Variants in MIGA1 observed in about 807,000 individuals in gnomAD.
The protein encoded by MIGA1 is family with sequence similarity 73, member A.
A neutral mutation model predicts 82.0 loss-of-function variants in MIGA1; 58 were observed. The observed-to-expected ratio is 0.71, with a 90% CI of 0.57 to 0.88. The LOEUF (loss-of-function observed/expected upper bound fraction) is 0.88. MIGA1 is among the 40% of genes least tolerant of loss of function. MIGA1 has a pLI of 0.00. For synonymous variants in MIGA1, 249 were observed against 253.6 expected, an observed-to-expected ratio of 0.98 and a Z score of 0.17; for missense variants, 751 against 749.1, an observed-to-expected ratio of 1.00 and a Z score of -0.03.
intron 15 of MIGA1, 93 bp downstream of exon 15, chr1:77,873,213 A>C: frequency 8.0e-7 from 1 of 1,252,594 alleles, no homozygotes; most frequent in Non-Finnish European, 1.1e-6. Context: ...GTAGAAGAAC[A>C]AATGTTATTT....
intron 2 of MIGA1, among the ~76,000 whole-genome samples, chr1:77,790,113 G>A (rs1682350637): frequency 1.3e-5 from 2 of 152,126 alleles, no homozygotes; most frequent in Admixed American, 1.3e-4. Context: ...TATGACTATA[G>A]TACAATATCA....
At chr1:77,805,166 T>C (rs1375821575) in intron 4 of MIGA1, among the ~76,000 whole-genome samples, 1 of 151,864 alleles carries the variant, frequency 6.6e-6, no homozygotes, top group Non-Finnish European at 1.5e-5. Flanking sequence ...GGCTAATTTT[T>C]TGTATTTTTT....
At chr1:77,803,953 G>C (rs1682988972) in intron 4 of MIGA1, among the ~76,000 whole-genome samples, 1 of 152,058 alleles carries the variant, frequency 6.6e-6, no homozygotes, top group African/African-American at 2.4e-5. Context: ...AATGCTTAAA[G>C]ATAAAGGTGA....
intron 2 of MIGA1, among the ~76,000 whole-genome samples, chr1:77,793,155 G>A (rs1273410250): frequency 6.6e-6 from 1 of 152,074 alleles, no homozygotes; most frequent in African/African-American, 2.4e-5. Context: ...CCGGGCTGGA[G>A]TGCAGTGGTG....
intron 14 of MIGA1, among the ~76,000 whole-genome samples, chr1:77,870,956 C>T (rs1307933075): frequency 2.7e-5 from 4 of 149,856 alleles, no homozygotes; most frequent in African/African-American, 4.9e-5. Flanking sequence ...CGTGGCGGTG[C>T]GCGCCTGCAG....
At chr1:77,809,704 T>G (rs1173024967) in intron 5 of MIGA1, among the ~76,000 whole-genome samples, 1 of 151,780 alleles carries the variant, frequency 6.6e-6, no homozygotes, top group Non-Finnish European at 1.5e-5. Context: ...TTGCATAACT[T>G]GGAGAAAGGA....
intron 13 of MIGA1, among the ~76,000 whole-genome samples, chr1:77,865,258 C>T (rs1685619077): frequency 6.6e-6 from 1 of 151,374 alleles, no homozygotes; most frequent in Non-Finnish European, 1.5e-5. Flanking sequence ...AAACTGTTAG[C>T]TCTATTCACA....
chr1:77,780,099 C>A, intron 1 of MIGA1: 1 of 1,014,056 alleles, frequency 9.9e-7, no homozygotes, highest in Non-Finnish European at 1.2e-6. Flanking sequence ...CTGGAGGGAC[C>A]CCCTTTTCTG....
chr1:77,815,219 G>C lies in MIGA1; in HGVS notation c.883G>C (p.Ala295Pro), dbSNP rs1368883711. Residue 295 changes from alanine to proline, a missense_variant, in exon 7 of 16, where the codon GCT becomes CCT. Ala to Pro is a conservative substitution (Grantham distance 27). Coordinates refer to ENST00000370791, the MANE Select transcript of MIGA1 (RefSeq NM_198549.4). ...TGGGGCATCTGATCCTAATTCCCTT[G>C]CTGATGATATTGGTAAGATGGATAT... The C allele has an allele frequency of 6.3e-7, 1 of 1,599,838 alleles. No homozygotes were observed. The highest frequency in any genetic ancestry group is 1.3e-5 in the African/African-American group (1 of 74,540).
intron 8 of MIGA1, 136 bp downstream of exon 8, chr1:77,843,543 T>C (rs1684705777): frequency 3.2e-6 from 2 of 621,696 alleles, no homozygotes; most frequent in South Asian, 2.1e-5. Context: ...GATACAAAAA[T>C]GAATAAATCT....
intron 8 of MIGA1, among the ~76,000 whole-genome samples, chr1:77,844,724 T>C (rs1020750004): frequency 6.6e-6 from 1 of 152,158 alleles, no homozygotes; most frequent in Non-Finnish European, 1.5e-5. Context: ...ATTCCTGTTA[T>C]CCCAGAACTT....
intron 12 of MIGA1, among the ~76,000 whole-genome samples, 165 bp from the exon 13 acceptor site, chr1:77,863,729 A>G (rs981047033): frequency 6.6e-6 from 1 of 152,162 alleles, no homozygotes; most frequent in Non-Finnish European, 1.5e-5. Flanking sequence ...TGAATTCGTA[A>G]TTTCTAGTGG....
Position 77,874,950 on chromosome 1 carries a change from C to T in MIGA1, c.1785C>T (p.Arg595=). Residue 595 remains arginine (R), a synonymous_variant, in exon 16 of 16, where the codon CGC becomes CGT. Coordinates refer to ENST00000370791, the MANE Select transcript of MIGA1 (RefSeq NM_198549.4). ...ACCTCATGCAGTTACTCATTCGCCG[C>T]ACTGAGCTTTTAATGGCCTATCTTG... 6.2e-7 allele frequency: 1 copy of T among 1,614,108 alleles called. No homozygotes were observed. The highest frequency in any genetic ancestry group is 8.5e-7 in the Non-Finnish European group (1 of 1,179,976).
Position 77,879,431 on chromosome 1 carries a change from G to C in MIGA1, c.*4367G>C, listed in dbSNP as rs1646918960. The C allele has an allele frequency of 6.6e-6, 1 of 152,142 alleles. No individual in the cohort carries two copies. Among genetic ancestry groups the C allele is most frequent in the Non-Finnish European group, 1.5e-5 (1 of 68,018 alleles). 9.4% of individuals were successfully genotyped at this position (152,142 alleles called of 1,614,324 possible). ...GTAAGGACTGTACTCATTAATTTGTGTAAAAGTAAAACACTACAGTAGCAG... is the reference window on the plus strand; with the variant it reads ...GTAAGGACTGTACTCATTAATTTGTCTAAAAGTAAAACACTACAGTAGCAG... On this transcript the variant is annotated 3_prime_UTR_variant, in exon 16 of 16. Transcript: ENST00000370791.
intron 2 of MIGA1, among the ~76,000 whole-genome samples, chr1:77,788,233 C>T (rs149361170): frequency 2.6e-5 from 4 of 152,262 alleles, no homozygotes; most frequent in East Asian, 1.9e-4. Flanking sequence ...GAACTCCTGA[C>T]GTCAAGTGAT....
chr1:77,834,917 G>A (rs1199236969), intron 7 of MIGA1, among the ~76,000 whole-genome samples: 4 of 152,202 alleles, frequency 2.6e-5, no homozygotes, highest in South Asian at 2.1e-4. Context: ...GTCAGATGAC[G>A]TTGAGACAAT....
At chr1:77,851,112 C>A (rs1267158222) in intron 8 of MIGA1, among the ~76,000 whole-genome samples, 1 of 152,124 alleles carries the variant, frequency 6.6e-6, no homozygotes, top group Non-Finnish European at 1.5e-5. Flanking sequence ...CTCAGATGAT[C>A]CACCCACCTC....
intron 8 of MIGA1, chr1:77,853,323 A>G (rs1685125011): frequency 6.5e-6 from 1 of 153,242 alleles, no homozygotes; most frequent in Non-Finnish European, 1.5e-5. Context: ...TTTGGGTGTG[A>G]GAGCAGAGTA....
chr1:77,808,577 A>G (rs112983071), intron 5 of MIGA1, among the ~76,000 whole-genome samples: 2 of 152,250 alleles, frequency 1.3e-5, no homozygotes, highest in African/African-American at 4.8e-5. Context: ...GAACATGTCT[A>G]TGGAGCCTCA....
Sources: gnomAD v4.1 joint callset for allele counts (sites outside exome capture counted in the v4.1 genomes callset) on GRCh38, gnomAD v4.1.1 for gene constraint, MANE v1.5 for transcripts, NCBI Gene and HGNC (gene_info 2026-07-23, HGNC 2026-07-21) for gene names.